BBIP1: variants seen among roughly 807,000 people sequenced by gnomAD.
BBIP1 encodes the protein BBSome interacting protein 1, also known as BBSome-interacting protein 1.
A neutral mutation model predicts 8.9 loss-of-function variants in BBIP1; 6 were observed. That is an observed-to-expected ratio of 0.67 (90% CI 0.37 to 1.33). The LOEUF (loss-of-function observed/expected upper bound fraction) is 1.33. Among genes scored for constraint, BBIP1 ranks in the 40% most tolerant of loss-of-function variants. The pLI, the probability that BBIP1 is intolerant of heterozygous loss-of-function variation, is 0.02. For synonymous variants in BBIP1, 32 were observed against 33.4 expected (o/e 0.96, Z 0.14); for missense variants, 111 against 109.2 (o/e 1.02, Z -0.07).
In BBIP1 at chr10:110,900,250, T is replaced by TATCA. The variant is rs1845955937; in HGVS notation, c.*106_*109dup. ...GATATTTTTGTATTTCTATGAATAC[T>TATCA]ATCAATTTTATTGATAACACATACT... On this transcript the variant is annotated 3_prime_UTR_variant, in exon 4 of 4. Transcript: ENST00000448814. The TATCA allele has an allele frequency of 4.9e-6, 5 of 1,022,608 alleles. No homozygotes were observed. The South Asian group carries it at 9.6e-5, about 20-fold the overall frequency. The allele number at this position is 1,022,608 out of a possible 1,614,324, so 63.3% of individuals were successfully genotyped here. A position where few individuals can be genotyped will look rare whatever the true frequency, so the allele number is the denominator to read the frequency against.
intron 2 of BBIP1, among the ~76,000 whole-genome samples, chr10:110,912,692 G>C (rs952272984): frequency 1.3e-5 from 2 of 151,992 alleles, no homozygotes; most frequent in African/African-American, 4.8e-5. Flanking sequence ...GATGGGATTC[G>C]GATGTTTTTA....
In BBIP1 at chr10:110,905,423, G is replaced by A. The variant is rs565383595; in HGVS notation, c.38-3811C>T. Among the ~76,000 whole-genome samples, 44 of 152,182 alleles carry A rather than the reference G, an allele frequency of 2.9e-4. 1 individual carries two copies. Among genetic ancestry groups the A allele is most frequent in the African/African-American group, 9.9e-4 (41 of 41,500 alleles). ...TAAAAATACAAAAAATTAGCAGGGC[G>A]TAGTGGTGGGCGCCTGTAGTCCCAG... On this transcript the variant is annotated intron_variant, in intron 2 of 3. Transcript: ENST00000448814.
At chr10:110,911,301 C>A (rs1360983702) in intron 2 of BBIP1, 3 of 152,002 alleles carry the variant, frequency 2.0e-5, no homozygotes, top group African/African-American at 7.2e-5. Context: ...TTAGAATTCT[C>A]CACCTCTTCT....
intron 2 of BBIP1, among the ~76,000 whole-genome samples, chr10:110,905,283 G>C (rs914292392): frequency 2.0e-5 from 3 of 150,948 alleles, no homozygotes; most frequent in Non-Finnish European, 3.0e-5. Flanking sequence ...TGGTGTGGGG[G>C]CTGGGCGCGG....
chr10:110,902,496 GATTT>G (rs1253480078), intron 2 of BBIP1: 1 of 152,186 alleles, frequency 6.6e-6, no homozygotes, highest in Non-Finnish European at 1.5e-5. Flanking sequence ...CACCCCCACA[GATTT>G]ATTATTTATA....
chr10:110,910,330 G>T (rs540333542), intron 2 of BBIP1, among the ~76,000 whole-genome samples: 1 of 152,304 alleles, frequency 6.6e-6, no homozygotes, highest in East Asian at 1.9e-4. Context: ...TGTGCACCAG[G>T]TATTGTGGTG....
At chr10:110,903,461 T>A (rs1264023244) in intron 2 of BBIP1, 1 of 152,292 alleles carries the variant, frequency 6.6e-6, no homozygotes, top group African/African-American at 2.4e-5. Flanking sequence ...ATAGAATGTC[T>A]GTTTTAATAG....
At chr10:110,905,476 G>A (rs1475411412) in intron 2 of BBIP1, among the ~76,000 whole-genome samples, 1 of 152,066 alleles carries the variant, frequency 6.6e-6, no homozygotes, top group African/African-American at 2.4e-5. Context: ...GCAGGAGAAT[G>A]GCGTGAACCT....
chr10:110,918,517 G>A (rs920294377), intron 1 of BBIP1, among the ~76,000 whole-genome samples: 1 of 152,248 alleles, frequency 6.6e-6, no homozygotes, highest in African/African-American at 2.4e-5. Context: ...TCCCTCCAAA[G>A]GCCAAGGAGT....
At chr10:110,909,961 A>C (rs1447954104) in intron 2 of BBIP1, among the ~76,000 whole-genome samples, 1 of 152,248 alleles carries the variant, frequency 6.6e-6, no homozygotes, top group Non-Finnish European at 1.5e-5. Flanking sequence ...AGTAGGTAAA[A>C]ACCAGTTTCT....
rs1252318986 is a variant in BBIP1 at position 110,899,902 on chromosome 10, ATT to A, written c.*456_*457del. 3 of 153,186 alleles carry A rather than the reference ATT, an allele frequency of 2.0e-5. No individual in the cohort carries two copies. Among genetic ancestry groups the A allele is most frequent in the Admixed American group, 6.5e-5 (1 of 15,318 alleles). The allele number at this position is 153,186 out of a possible 1,614,324, so 9.5% of individuals were successfully genotyped here. A position where few individuals can be genotyped will look rare whatever the true frequency, so the allele number is the denominator to read the frequency against. ...CATGGCACATAAAATTGGTTAAAAA[ATT>A]TTGTTTTTTAATTACGTAATGTAAA... is the stretch of plus-strand genomic sequence containing the variant. On this transcript the variant is annotated 3_prime_UTR_variant, in exon 4 of 4. Transcript: ENST00000448814.
intron 2 of BBIP1, chr10:110,907,916 T>A: frequency 1.7e-6 from 1 of 598,800 alleles, no homozygotes; most frequent in Non-Finnish European, 2.9e-6. Context: ...ATGTGATACA[T>A]TTCAAACAGG....
intron 3 of BBIP1, chr10:110,901,014 G>GGTA (rs1845984632): frequency 3.0e-6 from 1 of 336,118 alleles, no homozygotes; most frequent in African/African-American, 2.2e-5. Flanking sequence ...AGTAGGGCAT[G>GGTA]GTAGCTCTTA....
intron 2 of BBIP1, among the ~76,000 whole-genome samples, chr10:110,909,580 A>G (rs970550173): frequency 3.3e-5 from 5 of 152,272 alleles, no homozygotes; most frequent in Admixed American, 6.5e-5. Context: ...AGAAAAAGAC[A>G]GAATCCTTCG....
chr10:110,901,164 G>T, intron 3 of BBIP1: 2 of 449,564 alleles, frequency 4.4e-6, no homozygotes, highest in South Asian at 3.2e-5. Context: ...GGTAGCACAT[G>T]CCTGTAGTAC....
chr10:110,902,140 T>C (rs1846020380), intron 2 of BBIP1: 1 of 155,314 alleles, frequency 6.4e-6, no homozygotes, highest in African/African-American at 2.4e-5. Context: ...GATGACTGAC[T>C]ACACAGCTGC....
At chr10:110,907,690 T>C (rs1846179778) in intron 2 of BBIP1, 1 of 693,616 alleles carries the variant, frequency 1.4e-6, no homozygotes, top group African/African-American at 1.8e-5. Context: ...CTCGCTTGCT[T>C]GTATACCCCT....
chr10:110,907,772 C>T lies in BBIP1; in HGVS notation c.38-6160G>A, dbSNP rs1227863468. On this transcript the variant is annotated intron_variant, in intron 2 of 3. Transcript: ENST00000448814. Reference sequence around the variant, plus strand: ...AGGATGGTGATTGATACAATAACCACGTTGTTCTTTGAGATGTTAATGGAC... The same window carrying T: ...AGGATGGTGATTGATACAATAACCATGTTGTTCTTTGAGATGTTAATGGAC... The T allele has an allele frequency of 5.7e-6, 4 of 702,244 alleles. No individual in the cohort carries two copies. The highest frequency in any genetic ancestry group is 1.0e-5 in the Non-Finnish European group (4 of 384,730). The allele number at this position is 702,244 out of a possible 1,614,324, so 43.5% of individuals were successfully genotyped here.
intron 2 of BBIP1, among the ~76,000 whole-genome samples, chr10:110,909,141 C>G (rs186418871): frequency 2.6e-5 from 4 of 152,214 alleles, no homozygotes; most frequent in Non-Finnish European, 4.4e-5. Context: ...CAAGCATCTT[C>G]ACAGAAACAA....
Sources: gnomAD v4.1 joint callset for allele counts (sites outside exome capture counted in the v4.1 genomes callset) on GRCh38, gnomAD v4.1.1 for gene constraint, MANE v1.5 for transcripts, NCBI Gene and HGNC (gene_info 2026-07-23, HGNC 2026-07-21) for gene names.